Variants in MYO1H observed in about 807,000 individuals in gnomAD.
MYO1H encodes the protein myosin IH, also known as unconventional myosin-Ih.
Under a neutral mutation model 149.3 loss-of-function variants are expected in MYO1H, and 118 were observed. The observed-to-expected ratio is 0.79, with a 90% confidence interval of 0.68 to 0.92. The LOEUF is 0.92. Ranked by LOEUF, MYO1H falls within the 40% of genes least tolerant of loss-of-function variation. MYO1H has a pLI of 0.00. For synonymous variants in MYO1H, 447 were observed against 465.2 expected (o/e 0.96, Z 0.50); for missense variants, 1,212 against 1,280.7 (o/e 0.95, Z 0.82).
intron 1 of MYO1H, among the ~76,000 whole-genome samples, chr12:109,352,002 A>G (rs755505974): frequency 2.6e-5 from 4 of 152,164 alleles, no homozygotes; most frequent in African/African-American, 4.8e-5. Flanking sequence ...TCAGGATTCC[A>G]TAAGATATGC....
At chr12:109,336,648 A>T in the MYO1H span, among the ~76,000 whole-genome samples, 1 of 152,204 alleles carries the variant, frequency 6.6e-6, no homozygotes, top group Non-Finnish European at 1.5e-5. Context: ...AAAAGAAAAA[A>T]TCCAGAATGA....
intron 1 of MYO1H, among the ~76,000 whole-genome samples, chr12:109,371,443 C>G (rs1348393489): frequency 1.3e-5 from 2 of 151,986 alleles, no homozygotes; most frequent in Non-Finnish European, 2.9e-5. Flanking sequence ...GTCTCAAACT[C>G]CTGAGCTAAA....
intron 2 of MYO1H, among the ~76,000 whole-genome samples, chr12:109,389,403 C>T (rs34201785): frequency 0.25 from 37,710 of 151,976 alleles, 5,570 homozygotes; most frequent in East Asian, 0.39. Context: ...ACCAGGCCTG[C>T]CCCTGAAGGT....
rs940041362 is a variant in MYO1H, at chr12:109,443,757, C to T, written c.2824+108C>T. The T allele has an allele frequency of 2.5e-5, 32 of 1,291,718 alleles. No homozygotes were observed. The African/African-American group carries it at 4.3e-4, about 17-fold the overall frequency. 80.0% of individuals were successfully genotyped at this position (1,291,718 alleles called of 1,614,324 possible). ...AACACAAGTGTAGGGTGCCCATAAA[C>T]CCCGGGGTAGTGATGCACACCTGTA... On this transcript the variant is annotated intron_variant, in intron 28 of 31. Transcript: ENST00000310903.
At position 109,351,553 on chromosome 12, in the gene MYO1H, G is replaced by A. The variant is rs147883603; in HGVS notation, c.12+3581G>A. 2.6e-5 allele frequency among the ~76,000 whole-genome samples: 4 copies of A among 152,282 alleles called. No homozygotes were observed. In the East Asian group the frequency reaches 7.7e-4, roughly 29 times the overall value. On this transcript the variant is annotated intron_variant, in intron 1 of 31. Coordinates refer to ENST00000310903, the Ensembl canonical transcript of MYO1H. Reference sequence around the variant, plus strand: ...TGCCTTGTTCACTGCTCCTGTAATTGCGTTATATTTCTAAAGAGATTGTAA... The same window carrying A: ...TGCCTTGTTCACTGCTCCTGTAATTACGTTATATTTCTAAAGAGATTGTAA...
chr12:109,420,816 A>G (rs894800083), intron 15 of MYO1H, among the ~76,000 whole-genome samples, 165 bp from the exon 16 acceptor site: 7 of 152,172 alleles, frequency 4.6e-5, no homozygotes, highest in African/African-American at 1.7e-4. Flanking sequence ...AGCCCCCACC[A>G]CAAAGAACGA....
chr12:109,444,650 T>TGAGGCTAG, intron 30 of MYO1H, 121 bp downstream of exon 30: 2 of 754,078 alleles, frequency 2.7e-6, no homozygotes, highest in Non-Finnish European at 4.5e-6. Context: ...GCAGATAACT[T>TGAGGCTAG]GAGGCTAGGA....
In MYO1H at chr12:109,432,778, C is replaced by T; in HGVS notation, c.1950-119C>T. On this transcript the variant is annotated intron_variant, in intron 19 of 31. Coordinates refer to ENST00000310903, the Ensembl canonical transcript of MYO1H. Reference sequence around the variant, plus strand: ...GAAAGTTCGTGTAATGGGACTACTACATACACTGAGTGGCCGACATGCCAC... The same window carrying T: ...GAAAGTTCGTGTAATGGGACTACTATATACACTGAGTGGCCGACATGCCAC... 3 of 767,330 alleles carry T rather than the reference C, an allele frequency of 3.9e-6. No homozygotes were observed. In the South Asian group the frequency reaches 4.5e-5, roughly 12 times the overall value. The allele number at this position is 767,330 out of a possible 1,614,324, so 47.5% of individuals were successfully genotyped here.
At chr12:109,355,481 G>A (rs1868567997) in intron 1 of MYO1H, among the ~76,000 whole-genome samples, 1 of 152,054 alleles carries the variant, frequency 6.6e-6, no homozygotes, top group Non-Finnish European at 1.5e-5. Context: ...CACAATTTAA[G>A]GGCTTATAGC....
At chr12:109,383,343 G>A (rs966696566) in intron 1 of MYO1H, among the ~76,000 whole-genome samples, 1 of 152,186 alleles carries the variant, frequency 6.6e-6, no homozygotes, top group Non-Finnish European at 1.5e-5. Flanking sequence ...AGTTTAACAT[G>A]GGAGAACTGT....
rs1555247913 is a variant in MYO1H at position 109,354,630 on chromosome 12, A to AAG, written c.12+6659_12+6660insGA. Among the ~76,000 whole-genome samples, 1,210 of 134,020 alleles carry AAG rather than the reference A, an allele frequency of 9.0e-3. 17 individuals carry two copies. The highest frequency in any genetic ancestry group is 0.033 in the African/African-American group (1,129 of 34,056). The allele number at this position is 134,020 out of a possible 152,430, so 87.9% of individuals were successfully genotyped here. On this transcript the variant is annotated intron_variant, in intron 1 of 31. Coordinates refer to ENST00000310903, the Ensembl canonical transcript of MYO1H. The stretch of plus-strand genomic sequence containing the variant: ...GCGAGACTCTGTCTAAAAAAAAAAA[A>AAG]AAAAGAAAAGAAAAGAAATCCCAGC...
intron 28 of MYO1H, 22 bp from the exon 29 acceptor site, chr12:109,444,191 C>T: frequency 6.2e-7 from 1 of 1,602,176 alleles, no homozygotes; most frequent in South Asian, 1.1e-5. Context: ...TTCTTGGCTC[C>T]TAACTCTGGA....
the MYO1H span, among the ~76,000 whole-genome samples, chr12:109,323,063 C>T: frequency 3.9e-5 from 6 of 152,184 alleles, no homozygotes; most frequent in South Asian, 2.1e-4. Flanking sequence ...ACTGAGATCA[C>T]GCCACTGCAC....
At chr12:109,439,453 C>T (rs914425595) in intron 23 of MYO1H, 178 bp from the exon 24 acceptor site, 3 of 516,632 alleles carry the variant, frequency 5.8e-6, no homozygotes, top group African/African-American at 1.9e-5. Flanking sequence ...CAAAACAAAA[C>T]AAAAGGCCGT....
chr12:109,316,565 A>G, the MYO1H span, among the ~76,000 whole-genome samples: 1 of 152,222 alleles, frequency 6.6e-6, no homozygotes, highest in Non-Finnish European at 1.5e-5. Context: ...ATGGTAATGT[A>G]TCATTGTAAC....
the MYO1H span, among the ~76,000 whole-genome samples, chr12:109,333,483 G>T: frequency 2.6e-5 from 4 of 152,010 alleles, no homozygotes; most frequent in Non-Finnish European, 4.4e-5. Flanking sequence ...CTCCTCTAAG[G>T]TTCTTTCTCT....
At chr12:109,435,859 G>A (rs897290405) in intron 21 of MYO1H, among the ~76,000 whole-genome samples, 2 of 152,202 alleles carry the variant, frequency 1.3e-5, no homozygotes, top group South Asian at 2.1e-4. Flanking sequence ...TCTGACCTCC[G>A]TAGCAGTGGG....
At chr12:109,353,127 G>A (rs1212354191) in intron 1 of MYO1H, among the ~76,000 whole-genome samples, 2 of 152,084 alleles carry the variant, frequency 1.3e-5, no homozygotes, top group Admixed American at 1.3e-4. Flanking sequence ...TGGGCACAGT[G>A]GCTCATGCCT....
chr12:109,327,797 G>A, the MYO1H span, among the ~76,000 whole-genome samples: 1 of 149,088 alleles, frequency 6.7e-6, no homozygotes, highest in Non-Finnish European at 1.5e-5. Context: ...TGCCTGATGT[G>A]GTGTCTCCAA....
Sources: gnomAD v4.1 joint callset for allele counts (sites outside exome capture counted in the v4.1 genomes callset) on GRCh38, gnomAD v4.1.1 for gene constraint, MANE v1.5 for transcripts, NCBI Gene and HGNC (gene_info 2026-07-23, HGNC 2026-07-21) for gene names.